Variants in CHST3 observed in about 807,000 individuals in gnomAD.
CHST3 encodes carbohydrate sulfotransferase 3, also known as C6ST-1.
In CHST3, 20 loss-of-function variants were observed where a neutral mutation model predicts 35.4. That is an observed-to-expected ratio of 0.57 (90% CI 0.40 to 0.82). The LOEUF (loss-of-function observed/expected upper bound fraction) is 0.82, where lower values mean the gene tolerates loss of function less well. CHST3 is among the 40% of genes least tolerant of loss of function. CHST3 has a pLI of 0.00. For synonymous variants in CHST3, 334 were observed against 295.9 expected (o/e 1.13, Z -1.32); for missense variants, 693 against 670.1 (o/e 1.03, Z -0.38).
chr10:72,004,905 G>A (rs1176982728), intron 1 of CHST3, among the ~76,000 whole-genome samples: 3 of 152,170 alleles, frequency 2.0e-5, no homozygotes, highest in Non-Finnish European at 4.4e-5. Flanking sequence ...CGAGGCAGGT[G>A]GATTGCTTGC....
intron 1 of CHST3, among the ~76,000 whole-genome samples, chr10:71,988,491 G>A (rs1216572077): frequency 6.6e-6 from 1 of 152,126 alleles, no homozygotes; most frequent in Non-Finnish European, 1.5e-5. Context: ...TTAAAAGTGT[G>A]TGGCACCTCC....
In CHST3 at chr10:72,008,658, G is replaced by T; in HGVS notation, c.*187G>T. 7.9e-7 allele frequency: 1 copy of T among 1,272,982 alleles called. No homozygotes were observed. The highest frequency in any genetic ancestry group is 1.0e-6 in the Non-Finnish European group (1 of 961,356). The allele number at this position is 1,272,982 out of a possible 1,614,324, so 78.9% of individuals were successfully genotyped here. On this transcript the variant is annotated 3_prime_UTR_variant, in exon 3 of 3. Coordinates refer to ENST00000373115, the MANE Select transcript of CHST3 (RefSeq NM_004273.5). ...AATTGCGGAGAACAGGACAGTGCCC[G>T]GTCCCCTTGAGGGCCATCACACCCA...
rs1839957425 is a variant in CHST3 at position 71,998,034 on chromosome 10, G to A, written c.-107-7702G>A. ...CGTGCCTGTGCTCCCAGCTCCTTGGGAAGCTGAGGTGGGAGGATTGCCTGA... is the reference window on the plus strand; with the variant it reads ...CGTGCCTGTGCTCCCAGCTCCTTGGAAAGCTGAGGTGGGAGGATTGCCTGA... On this transcript the variant is annotated intron_variant, in intron 1 of 2. Coordinates refer to ENST00000373115, the MANE Select transcript of CHST3 (RefSeq NM_004273.5). 2.0e-5 allele frequency among the ~76,000 whole-genome samples: 3 copies of A among 152,274 alleles called. 1 individual carries two copies. In the South Asian group the frequency reaches 6.2e-4, roughly 32 times the overall value.
At chr10:71,980,981 C>G (rs1839796135) in intron 1 of CHST3, among the ~76,000 whole-genome samples, 1 of 152,230 alleles carries the variant, frequency 6.6e-6, no homozygotes, top group African/African-American at 2.4e-5. Flanking sequence ...CCCTGCCTCT[C>G]AAATCCCAGA....
chr10:71,995,757 A>T (rs749391199), intron 1 of CHST3, among the ~76,000 whole-genome samples: 69 of 152,188 alleles, frequency 4.5e-4, no homozygotes, highest in Non-Finnish European at 1.2e-4. Context: ...ATTGTCTTCT[A>T]TGGGTGTGGT....
chr10:72,007,619 C>T lies in CHST3; in HGVS notation c.588C>T (p.Phe196=), dbSNP rs974101244. ...ACCGCGACGTGCTCAAGCAGCTCTT[C>T]CTGTGCGACCTGTACGTGCTGGAGC... The part of the protein sequence containing the change: ...LVYRDVLKQL[F]LCDLYVLEHF... Residue 196 remains phenylalanine, a synonymous_variant, in exon 3 of 3, where the codon TTC becomes TTT. Transcript: ENST00000373115. 3 of 1,609,964 alleles carry T rather than the reference C, an allele frequency of 1.9e-6. No homozygotes were observed. Among genetic ancestry groups the T allele is most frequent in the African/African-American group, 1.3e-5 (1 of 74,932 alleles).
In CHST3 at chr10:72,008,273, C is replaced by G. The variant is rs1004650270; in HGVS notation, c.1242C>G (p.Ile414Met). 3.8e-6 allele frequency: 6 copies of G among 1,584,282 alleles called. No homozygotes were observed. The Admixed American group carries it at 1.1e-4, about 28-fold the overall frequency. The change falls in exon 3 of 3, where the codon ATC becomes ATG. Residue 414 changes from isoleucine (I) to methionine (M), a missense_variant. Physicochemically the swap from Ile to Met is conservative, Grantham distance 10 (BLOSUM62 1). Coordinates refer to ENST00000373115, the MANE Select transcript of CHST3 (RefSeq NM_004273.5). ...NTQAAHDGSG[I>M]YSTQKNSSEQ... ...AGGCGGCCCACGACGGCAGCGGCAT[C>G]TACTCCACGCAGAAGAACTCCTCGG...
At chr10:71,984,623 G>A (rs569630107) in intron 1 of CHST3, among the ~76,000 whole-genome samples, 6 of 152,342 alleles carry the variant, frequency 3.9e-5, no homozygotes, top group African/African-American at 1.4e-4. Flanking sequence ...TGTGGAGCCA[G>A]GCTTCCTGTG....
At chr10:71,975,222 G>A (rs1204923207) in intron 1 of CHST3, among the ~76,000 whole-genome samples, 1 of 152,178 alleles carries the variant, frequency 6.6e-6, no homozygotes, top group African/African-American at 2.4e-5. Context: ...TGAACTGAGT[G>A]CTTTATTTTC....
Position 72,008,511 on chromosome 10 carries a change from T to C in CHST3, c.*40T>C. ...CGTATGCCCCTCCTCGTGAAAGGCC[T>C]GCCCCGTCTTTCTGCCGCAGCCCTC... is the stretch of plus-strand genomic sequence containing the variant. On this transcript the variant is annotated 3_prime_UTR_variant, in exon 3 of 3. Coordinates refer to ENST00000373115, the MANE Select transcript of CHST3 (RefSeq NM_004273.5). The C allele has an allele frequency of 1.4e-6, 2 of 1,466,608 alleles. No homozygotes were observed. The highest frequency in any genetic ancestry group is 9.0e-7 in the Non-Finnish European group (1 of 1,108,774). The allele number at this position is 1,466,608 out of a possible 1,614,324, so 90.8% of individuals were successfully genotyped here.
At chr10:71,965,424 G>A (rs1326810629) in intron 1 of CHST3, among the ~76,000 whole-genome samples, 3 of 152,236 alleles carry the variant, frequency 2.0e-5, no homozygotes, top group Non-Finnish European at 4.4e-5. Flanking sequence ...GGGAAGCAGG[G>A]ACCCTTCCCC....
In CHST3 at chr10:72,013,092, T is replaced by C. The variant is rs1840128989; in HGVS notation, c.*4621T>C. 6.6e-6 allele frequency: 1 copy of C among 152,280 alleles called. No individual in the cohort carries two copies. The highest frequency in any genetic ancestry group is 6.5e-5 in the Admixed American group (1 of 15,278). 9.4% of individuals were successfully genotyped at this position (152,280 alleles called of 1,614,324 possible). The stretch of plus-strand genomic sequence containing the variant: ...CCATGTGGTCTGCGTCTTCTGCCAT[T>C]GGCTTGAACTGGGCACCCCCTGAAG... On this transcript the variant is annotated 3_prime_UTR_variant, in exon 3 of 3. Transcript: ENST00000373115.
rs4148949 is a variant in CHST3 at position 72,010,893 on chromosome 10, T to C, written c.*2422T>C. 0.64 allele frequency: 97,362 copies of C among 152,080 alleles called. 32,122 individuals are homozygous for C. The highest frequency in any genetic ancestry group is 0.81 in the African/African-American group (33,652 of 41,466). The allele number at this position is 152,080 out of a possible 1,614,324, so 9.4% of individuals were successfully genotyped here. A position where few individuals can be genotyped will look rare whatever the true frequency, so the allele number is the denominator to read the frequency against. Reference sequence around the variant, plus strand: ...CTAGGGGCCCTGCTAATGTGGACAGTAGACTTTATCCCTCCTTCTTACTCT... The same window carrying C: ...CTAGGGGCCCTGCTAATGTGGACAGCAGACTTTATCCCTCCTTCTTACTCT... On this transcript the variant is annotated 3_prime_UTR_variant, in exon 3 of 3. Transcript: ENST00000373115.
intron 1 of CHST3, among the ~76,000 whole-genome samples, chr10:71,988,013 C>A (rs1839864833): frequency 6.6e-6 from 1 of 152,138 alleles, no homozygotes; most frequent in East Asian, 1.9e-4. Flanking sequence ...GCCCATGGTC[C>A]CCTCACAGCT....
At chr10:71,968,151 G>A (rs550305192) in intron 1 of CHST3, among the ~76,000 whole-genome samples, 12 of 152,184 alleles carry the variant, frequency 7.9e-5, no homozygotes, top group Admixed American at 5.9e-4. Context: ...GCCAGCATCT[G>A]TTAATGTTTG....
intron 1 of CHST3, among the ~76,000 whole-genome samples, chr10:71,982,054 C>T (rs1839806132): frequency 6.6e-6 from 1 of 152,184 alleles, no homozygotes; most frequent in African/African-American, 2.4e-5. Flanking sequence ...TGAAATGTGG[C>T]CCCCACAGAT....
intron 1 of CHST3, among the ~76,000 whole-genome samples, chr10:72,002,370 C>T (rs1192608198): frequency 1.3e-5 from 2 of 152,202 alleles, no homozygotes; most frequent in Non-Finnish European, 2.9e-5. Context: ...AACTTCTATA[C>T]CTTACCAAGG....
intron 1 of CHST3, among the ~76,000 whole-genome samples, chr10:71,991,106 A>T (rs1039305933): frequency 9.2e-5 from 14 of 152,254 alleles, no homozygotes; most frequent in Admixed American, 2.6e-4. Context: ...GCCTGGATGA[A>T]TGTGTGGGAA....
rs572091260 is a variant in CHST3 at position 72,011,490 on chromosome 10, A to T, written c.*3019A>T. The T allele has an allele frequency of 5.9e-5, 9 of 152,226 alleles. No individual in the cohort carries two copies. Among genetic ancestry groups the T allele is most frequent in the African/African-American group, 2.2e-4 (9 of 41,534 alleles). The allele number at this position is 152,226 out of a possible 1,614,324, so 9.4% of individuals were successfully genotyped here. On this transcript the variant is annotated 3_prime_UTR_variant, in exon 3 of 3. Coordinates refer to ENST00000373115, the MANE Select transcript of CHST3 (RefSeq NM_004273.5). ...TTTTCAGCTTGGAGCTGGGATGGAG[A>T]AGATGGAAGCACTGGTGGCCGGGCC...
Sources: gnomAD v4.1 joint callset for allele counts (sites outside exome capture counted in the v4.1 genomes callset) on GRCh38, gnomAD v4.1.1 for gene constraint, MANE v1.5 for transcripts, NCBI Gene and HGNC (gene_info 2026-07-23, HGNC 2026-07-21) for gene names.